KIAA1217: variants seen among roughly 807,000 people sequenced by gnomAD.
The protein encoded by KIAA1217 is sickle tail protein homolog.
KIAA1217 carries 88 observed loss-of-function variants against 163.9 expected under a neutral mutation model. The ratio of observed to expected loss-of-function variants is 0.54; its 90% CI spans 0.45 to 0.64. The LOEUF (loss-of-function observed/expected upper bound fraction) is 0.64. KIAA1217 is among the 30% of genes least tolerant of loss of function. KIAA1217 has a pLI of 0.00. For missense variants in KIAA1217, 2,372 were observed against 2,475.0 expected, an observed-to-expected ratio of 0.96 and a Z score of 0.88; for synonymous variants, 903 against 923.1, an observed-to-expected ratio of 0.98 and a Z score of 0.39.
At chr10:24,466,317 C>T (rs1196717562) in intron 5 of KIAA1217, among the ~76,000 whole-genome samples, 1 of 151,984 alleles carries the variant, frequency 6.6e-6, no homozygotes, top group African/African-American at 2.4e-5. Flanking sequence ...TGTTTGCCTT[C>T]AGCGAAATAT....
chr10:23,885,038 T>C (rs572696724), intron 1 of KIAA1217, among the ~76,000 whole-genome samples: 1 of 151,950 alleles, frequency 6.6e-6, no homozygotes, highest in Non-Finnish European at 1.5e-5. Flanking sequence ...TAGTTTAAAT[T>C]GCTATTTTGG....
chr10:24,399,033 C>T lies in KIAA1217; in HGVS notation c.553+17966C>T, dbSNP rs943026297. ...CTGGTAGGGTTGGAGGGAGCCCTCT[C>T]CTGCCCCGCTCATGCCTGACTAGCT... On this transcript the variant is annotated intron_variant, in intron 3 of 20. Transcript: ENST00000376454. Among the ~76,000 whole-genome samples, 3 of 152,206 alleles carry T rather than the reference C, an allele frequency of 2.0e-5. No individual in the cohort carries two copies. The East Asian group carries it at 5.8e-4, about 29-fold the overall frequency.
intron 2 of KIAA1217, among the ~76,000 whole-genome samples, chr10:24,310,794 G>A (rs1249920878): frequency 1.3e-5 from 2 of 152,076 alleles, no homozygotes; most frequent in Admixed American, 6.5e-5. Context: ...CCCAGGAGTT[G>A]GAGACCAGCC....
chr10:24,021,404 T>C (rs558629957), intron 2 of KIAA1217, among the ~76,000 whole-genome samples: 1 of 152,060 alleles, frequency 6.6e-6, no homozygotes. Flanking sequence ...AATATACACA[T>C]GATCTTTATC....
At chr10:23,870,260 G>C (rs765016902) in intron 1 of KIAA1217, among the ~76,000 whole-genome samples, 3 of 152,108 alleles carry the variant, frequency 2.0e-5, no homozygotes, top group Admixed American at 6.6e-5. Context: ...ACTATATCCA[G>C]AGGTGGAAAT....
intron 1 of KIAA1217, among the ~76,000 whole-genome samples, chr10:23,717,436 T>G (rs1837639716): frequency 6.6e-6 from 1 of 152,112 alleles, no homozygotes; most frequent in South Asian, 2.1e-4. Flanking sequence ...GTAGGAGTTT[T>G]GCCACTGGAG....
intron 1 of KIAA1217, among the ~76,000 whole-genome samples, chr10:23,719,302 C>T (rs1026330309): frequency 5.3e-5 from 8 of 152,276 alleles, no homozygotes; most frequent in Non-Finnish European, 7.4e-5. Context: ...AGGCCTAGTC[C>T]GGGTGCCGTG....
chr10:24,485,880 G>A (rs2065329334), intron 6 of KIAA1217, among the ~76,000 whole-genome samples: 1 of 152,118 alleles, frequency 6.6e-6, no homozygotes, highest in South Asian at 2.1e-4. Context: ...ATCTCCCCGT[G>A]GATGTCTGTT....
At chr10:23,762,074 T>C (rs919087006) in intron 1 of KIAA1217, among the ~76,000 whole-genome samples, 21 of 152,018 alleles carry the variant, frequency 1.4e-4, no homozygotes, top group African/African-American at 4.6e-4. Flanking sequence ...AATTCCTGAG[T>C]AGACCAATAA....
chr10:24,381,178 A>G, intron 3 of KIAA1217, 111 bp downstream of exon 3: 1 of 826,312 alleles, frequency 1.2e-6, no homozygotes, highest in Non-Finnish European at 1.7e-6. Context: ...TGATTTGCAA[A>G]TACTCTAGTA....
chr10:24,471,528 T>A (rs775152001), intron 5 of KIAA1217, among the ~76,000 whole-genome samples: 1 of 151,902 alleles, frequency 6.6e-6, no homozygotes, highest in Non-Finnish European at 1.5e-5. Flanking sequence ...CAAATTACAG[T>A]TGACCATTGA....
intron 1 of KIAA1217, among the ~76,000 whole-genome samples, chr10:23,865,272 CAAAT>C (rs1334468548): frequency 6.6e-6 from 1 of 152,140 alleles, no homozygotes; most frequent in Non-Finnish European, 1.5e-5. Context: ...TAATGCAGAT[CAAAT>C]GAATGAAATA....
chr10:24,194,481 C>A (rs964058273), intron 2 of KIAA1217, among the ~76,000 whole-genome samples: 12 of 151,420 alleles, frequency 7.9e-5, no homozygotes, highest in African/African-American at 2.7e-4. Context: ...GCCACTCCAC[C>A]TGACCTCTGG....
chr10:24,210,313 T>G (rs2067907378), intron 1 of KIAA1217, among the ~76,000 whole-genome samples: 1 of 152,100 alleles, frequency 6.6e-6, no homozygotes, highest in Admixed American at 6.5e-5. Context: ...TGCAGAAAAC[T>G]TGAAGTTTTG....
rs1023396172 is a variant in KIAA1217, at chr10:24,285,665, G to T, written c.354+65756G>T. On this transcript the variant is annotated intron_variant, in intron 2 of 20. Transcript: ENST00000376454. Reference sequence around the variant, plus strand: ...AATATGTTTGTTCTTTTTGTTTAAGGTTACTTTAGCTATTCATGCTCTTTT... The same window carrying T: ...AATATGTTTGTTCTTTTTGTTTAAGTTTACTTTAGCTATTCATGCTCTTTT... Among the ~76,000 whole-genome samples the T allele has an allele frequency of 5.3e-5, 8 of 152,150 alleles. No homozygotes were observed. In the East Asian group the frequency reaches 1.5e-3, roughly 29 times the overall value.
chr10:23,799,327 G>A (rs1836361764), intron 1 of KIAA1217, among the ~76,000 whole-genome samples: 1 of 152,142 alleles, frequency 6.6e-6, no homozygotes, highest in Non-Finnish European at 1.5e-5. Context: ...TTGTAAACCA[G>A]TAAAGGATTG....
intron 1 of KIAA1217, among the ~76,000 whole-genome samples, chr10:23,829,922 G>A (rs1838096179): frequency 6.6e-6 from 1 of 152,186 alleles, no homozygotes; most frequent in Non-Finnish European, 1.5e-5. Flanking sequence ...AAGAAAAATG[G>A]TAGGGCTTAC....
chr10:24,063,776 T>A (rs546525911), intron 2 of KIAA1217, among the ~76,000 whole-genome samples: 1 of 152,348 alleles, frequency 6.6e-6, no homozygotes, highest in African/African-American at 2.4e-5. Context: ...CCTATGAACA[T>A]GGAATGTTCT....
At chr10:24,056,155 A>G (rs1297216553) in intron 2 of KIAA1217, among the ~76,000 whole-genome samples, 6 of 152,102 alleles carry the variant, frequency 3.9e-5, no homozygotes, top group Non-Finnish European at 8.8e-5. Flanking sequence ...TTCACTGACA[A>G]TAAGGAAATC....
Sources: gnomAD v4.1 joint callset for allele counts (sites outside exome capture counted in the v4.1 genomes callset) on GRCh38, gnomAD v4.1.1 for gene constraint, MANE v1.5 for transcripts, NCBI Gene and HGNC (gene_info 2026-07-23, HGNC 2026-07-21) for gene names.